The following MLIP variants were observed in gnomAD, a reference collection of about 807,000 sequenced individuals.
MLIP encodes muscular LMNA interacting protein, also known as muscular LMNA-interacting protein.
MLIP carries 79 observed loss-of-function variants against 84.8 expected under a neutral mutation model. The ratio of observed to expected loss-of-function variants is 0.93; its 90% CI spans 0.78 to 1.12. The LOEUF (loss-of-function observed/expected upper bound fraction) is 1.12, where lower values mean the gene tolerates loss of function less well. MLIP is among the 50% of genes most tolerant of loss of function. The pLI is 0.00. For synonymous variants in MLIP, 504 were observed against 463.0 expected (o/e 1.09, Z -1.14); for missense variants, 1,257 against 1,160.6 (o/e 1.08, Z -1.21).
chr6:54,044,483 CTTTT>C (rs1186044812), intron 1 of MLIP, among the ~76,000 whole-genome samples: 1 of 152,110 alleles, frequency 6.6e-6, no homozygotes, highest in African/African-American at 2.4e-5. Flanking sequence ...AGGTTTTTGT[CTTTT>C]TGTTTTTGAA....
At chr6:54,083,581 T>C in intron 1 of MLIP, 3 of 1,536,016 alleles carry the variant, frequency 2.0e-6, no homozygotes, top group South Asian at 1.2e-5. Flanking sequence ...GGCACCGGAT[T>C]CCATGTGCAG....
At chr6:54,155,755 G>T (rs950040881) in intron 5 of MLIP, among the ~76,000 whole-genome samples, 1 of 152,084 alleles carries the variant, frequency 6.6e-6, no homozygotes, top group Non-Finnish European at 1.5e-5. Flanking sequence ...TAATTTTAAT[G>T]TAGTGCTAAG....
Position 54,111,586 on chromosome 6 carries a change from G to A in MLIP, c.96+11G>A. 1 of 1,535,962 alleles carries A rather than the reference G, an allele frequency of 6.5e-7. No homozygotes were observed. The highest frequency in any genetic ancestry group is 1.4e-5 in the African/African-American group (1 of 73,160). On this transcript the variant is annotated intron_variant, in intron 1 of 13. Transcript: ENST00000502396. ...CAGACCACACCCCAGGTAAAAGGAA[G>A]TCTTTGCTTAATGCTTTCAGTAACT...
intron 12 of MLIP, among the ~76,000 whole-genome samples, chr6:54,236,208 G>T (rs1392731590): frequency 6.6e-6 from 1 of 151,554 alleles, no homozygotes; most frequent in East Asian, 1.9e-4. Flanking sequence ...GTCATTTGTG[G>T]ACATTCACAG....
At position 54,266,165 on chromosome 6, in the gene MLIP, C is replaced by T. The variant is rs1783671267; in HGVS notation, c.*210C>T. The T allele has an allele frequency of 1.7e-6, 1 of 582,478 alleles. No homozygotes were observed. Among genetic ancestry groups the T allele is most frequent in the Non-Finnish European group, 3.1e-6 (1 of 323,578 alleles). 36.1% of individuals were successfully genotyped at this position (582,478 alleles called of 1,614,324 possible). On this transcript the variant is annotated 3_prime_UTR_variant, in exon 14 of 14. Transcript: ENST00000502396. ...CAGCATAGAAGAGATTTACCTACAG[C>T]TTTTTGCACCACTGTTCTAGCCTTT...
intron 9 of MLIP, among the ~76,000 whole-genome samples, chr6:54,176,756 C>T (rs2150619110): frequency 6.6e-6 from 1 of 151,974 alleles, no homozygotes; most frequent in Middle Eastern, 3.4e-3. Context: ...CAATCCTAAG[C>T]AAAAAGAACA....
At chr6:54,041,162 C>G (rs1447519678) in intron 1 of MLIP, 1 of 152,144 alleles carries the variant, frequency 6.6e-6, no homozygotes, top group Non-Finnish European at 1.5e-5. Context: ...CTACCCCCAA[C>G]TCCTGGCAAC....
chr6:54,225,869 T>G (rs77567599), intron 11 of MLIP, among the ~76,000 whole-genome samples: 3,365 of 152,320 alleles, frequency 0.022, 122 homozygotes, highest in African/African-American at 0.077. Flanking sequence ...AAAGATGTAC[T>G]GTAAAGATAT....
chr6:54,265,948 A>C lies in MLIP; in HGVS notation c.2977-2A>C. On this transcript the variant is annotated splice_acceptor_variant, in intron 13 of 13. Transcript: ENST00000502396. LOFTEE classifies it high-confidence loss of function. ...TGACTACCATATTCTCTTATTTTAC[A>C]GCAATGAAGTTGGAGCAGAGGCTGA... 1 of 1,611,564 alleles carries C rather than the reference A, an allele frequency of 6.2e-7. No individual in the cohort carries two copies. Among genetic ancestry groups the C allele is most frequent in the African/African-American group, 1.3e-5 (1 of 74,934 alleles).
chr6:54,244,731 C>G (rs2150847315), intron 12 of MLIP, among the ~76,000 whole-genome samples: 1 of 152,188 alleles, frequency 6.6e-6, no homozygotes, highest in East Asian at 1.9e-4. Flanking sequence ...AAACAGTTGG[C>G]TTTTAAATTT....
intron 3 of MLIP, among the ~76,000 whole-genome samples, chr6:54,132,167 C>T (rs771174325): frequency 2.0e-5 from 3 of 152,110 alleles, no homozygotes; most frequent in Non-Finnish European, 4.4e-5. Context: ...AAAGGTGGAA[C>T]AAAAGACTGC....
intron 5 of MLIP, among the ~76,000 whole-genome samples, chr6:54,151,907 A>G (rs1217037966): frequency 1.3e-5 from 2 of 152,164 alleles, no homozygotes; most frequent in Non-Finnish European, 2.9e-5. Context: ...TTCAGTTTTA[A>G]TCAACCCTGG....
chr6:54,022,386 A>G (rs1399876708), intron 1 of MLIP, among the ~76,000 whole-genome samples: 2 of 152,236 alleles, frequency 1.3e-5, no homozygotes, highest in Non-Finnish European at 2.9e-5. Context: ...TCTGCAACAT[A>G]TCTTAGGAAA....
At chr6:54,247,240 A>G (rs541554534) in intron 12 of MLIP, among the ~76,000 whole-genome samples, 1 of 152,278 alleles carries the variant, frequency 6.6e-6, no homozygotes, top group Admixed American at 6.6e-5. Context: ...TCACTCTGGG[A>G]TGGCTGAAAC....
chr6:54,073,014 A>G (rs1363861305), intron 1 of MLIP, among the ~76,000 whole-genome samples: 1 of 152,032 alleles, frequency 6.6e-6, no homozygotes, highest in Non-Finnish European at 1.5e-5. Context: ...TTCCCTCAAC[A>G]TTGCTCCACA....
intron 1 of MLIP, among the ~76,000 whole-genome samples, chr6:54,096,220 C>T (rs1768203228): frequency 6.6e-6 from 1 of 152,092 alleles, no homozygotes; most frequent in African/African-American, 2.4e-5. Flanking sequence ...AATTTGTCTT[C>T]TGAACTTTGT....
rs1246076255 is a variant in MLIP at position 54,077,559 on chromosome 6, G to GA, written c.64-43883dup. 3.3e-5 allele frequency among the ~76,000 whole-genome samples: 5 copies of GA among 152,138 alleles called. No homozygotes were observed. In the East Asian group the frequency reaches 9.7e-4, roughly 29 times the overall value. ...ATACGTGTTTCAAGATAATTTGCTT[G>GA]AAAAACATACCAAACTCACTGTTTT... On this transcript the variant is annotated intron_variant, in intron 1 of 12. Coordinates refer to the MLIP transcript ENST00000274897.
intron 1 of MLIP, among the ~76,000 whole-genome samples, chr6:54,024,830 GATT>G (rs374722606): frequency 2.6e-5 from 4 of 151,474 alleles, no homozygotes; most frequent in South Asian, 2.1e-4. Flanking sequence ...ATGGTAACAT[GATT>G]ATTATTATTA....
At chr6:54,142,838 T>C (rs1400597109) in intron 4 of MLIP, among the ~76,000 whole-genome samples, 1 of 152,048 alleles carries the variant, frequency 6.6e-6, no homozygotes, top group African/African-American at 2.4e-5. Flanking sequence ...AGATAAGATT[T>C]CCATTATGTT....
Sources: gnomAD v4.1 joint callset for allele counts (sites outside exome capture counted in the v4.1 genomes callset) on GRCh38, gnomAD v4.1.1 for gene constraint, MANE v1.5 for transcripts, NCBI Gene and HGNC (gene_info 2026-07-23, HGNC 2026-07-21) for gene names.